ZDHHC17: variants seen among roughly 807,000 people sequenced by gnomAD.
ZDHHC17 encodes the protein palmitoyltransferase ZDHHC17.
A neutral mutation model predicts 90.3 loss-of-function variants in ZDHHC17; 40 were observed. That is an observed-to-expected ratio of 0.44 (90% CI 0.34 to 0.58). The LOEUF is 0.58. ZDHHC17 is among the 20% of genes least tolerant of loss of function. The pLI is 0.01. For synonymous variants in ZDHHC17, 235 were observed against 252.4 expected (o/e 0.93, Z 0.65); for missense variants, 614 against 780.8 (o/e 0.79, Z 2.55).
chr12:76,802,138 C>T (rs886510146), intron 2 of ZDHHC17, among the ~76,000 whole-genome samples: 2 of 152,190 alleles, frequency 1.3e-5, no homozygotes, highest in Non-Finnish European at 2.9e-5. Flanking sequence ...AGGGCAGGTC[C>T]AGTGGTAACA....
intron 7 of ZDHHC17, among the ~76,000 whole-genome samples, chr12:76,818,861 C>T (rs1387034241): frequency 6.6e-6 from 1 of 152,110 alleles, no homozygotes; most frequent in Non-Finnish European, 1.5e-5. Flanking sequence ...ATATGATCTG[C>T]TTTTTGTTTT....
chr12:76,812,839 A>G (rs775092274), intron 5 of ZDHHC17, among the ~76,000 whole-genome samples: 3 of 152,062 alleles, frequency 2.0e-5, no homozygotes, highest in Admixed American at 6.6e-5. Flanking sequence ...CTCACTACCA[A>G]TTCTTTTGGA....
chr12:76,802,350 C>G (rs758443209), intron 2 of ZDHHC17, among the ~76,000 whole-genome samples: 4 of 152,122 alleles, frequency 2.6e-5, no homozygotes, highest in Admixed American at 2.6e-4. Flanking sequence ...TGACCAGTTG[C>G]CTCTCTCTCG....
chr12:76,849,590 A>G (rs1167130235), intron 16 of ZDHHC17, 120 bp downstream of exon 16: 15 of 614,454 alleles, frequency 2.4e-5, no homozygotes, highest in Non-Finnish European at 3.9e-5. Context: ...TTTCTGTAGA[A>G]ATAGCATCAG....
At chr12:76,770,217 G>A (rs1022807607) in intron 1 of ZDHHC17, among the ~76,000 whole-genome samples, 1 of 152,110 alleles carries the variant, frequency 6.6e-6, no homozygotes, top group Non-Finnish European at 1.5e-5. Flanking sequence ...TAATATTGTG[G>A]TAAAAAGTAG....
At chr12:76,770,567 TG>T (rs1952479975) in intron 1 of ZDHHC17, among the ~76,000 whole-genome samples, 1 of 152,176 alleles carries the variant, frequency 6.6e-6, no homozygotes, top group Admixed American at 6.5e-5. Flanking sequence ...AAATGATTCG[TG>T]GTCCTCCTTT....
chr12:76,832,096 CT>C (rs1246908769), intron 10 of ZDHHC17, among the ~76,000 whole-genome samples: 1 of 152,190 alleles, frequency 6.6e-6, no homozygotes, highest in Non-Finnish European at 1.5e-5. Context: ...GATTTTGGAA[CT>C]ATGTTTTTCT....
chr12:76,833,955 TGA>T (rs1489986865), intron 10 of ZDHHC17, among the ~76,000 whole-genome samples: 2 of 152,126 alleles, frequency 1.3e-5, no homozygotes, highest in African/African-American at 4.8e-5. Context: ...CTAAATAGGG[TGA>T]GAGTTTTATC....
chr12:76,815,665 A>G (rs967021430), intron 6 of ZDHHC17, among the ~76,000 whole-genome samples, 192 bp from the exon 7 acceptor site: 5 of 151,910 alleles, frequency 3.3e-5, no homozygotes, highest in African/African-American at 4.8e-5. Flanking sequence ...ATTATTTTAT[A>G]TGGTGTCATA....
intron 3 of ZDHHC17, among the ~76,000 whole-genome samples, chr12:76,806,712 C>T (rs1014345734): frequency 2.0e-5 from 3 of 152,118 alleles, no homozygotes; most frequent in South Asian, 4.2e-4. Context: ...AGGGTTTCGC[C>T]GTGTTTCCCA....
At chr12:76,814,752 C>T (rs965158353) in intron 5 of ZDHHC17, among the ~76,000 whole-genome samples, 2 of 151,770 alleles carry the variant, frequency 1.3e-5, no homozygotes, top group African/African-American at 4.8e-5. Flanking sequence ...AATGTCAGTT[C>T]TTTTTATTTT....
chr12:76,799,052 G>A (rs753453620), intron 2 of ZDHHC17, among the ~76,000 whole-genome samples: 1 of 152,098 alleles, frequency 6.6e-6, no homozygotes, highest in African/African-American at 2.4e-5. Flanking sequence ...TGGGAGGACC[G>A]CTTGTGCCTG....
intron 14 of ZDHHC17, among the ~76,000 whole-genome samples, chr12:76,847,122 A>G (rs1953504214): frequency 6.6e-6 from 1 of 152,242 alleles, no homozygotes; most frequent in African/African-American, 2.4e-5. Context: ...TGCCTATTAG[A>G]GAATATTAGT....
intron 4 of ZDHHC17, 32 bp from the exon 5 acceptor site, chr12:76,809,681 T>C: frequency 7.3e-7 from 1 of 1,374,528 alleles, no homozygotes; most frequent in Non-Finnish European, 9.4e-7. Flanking sequence ...AATAACTTTA[T>C]ATATCTAAGT....
Position 76,797,551 on chromosome 12 carries a change from T to C in ZDHHC17, c.197+14T>C. ...CAAGGCTACACAGTAAGGTTTTTGTTGTAGTTGTTTTCTTTGGCATGTGTA... is the reference window on the plus strand; with the variant it reads ...CAAGGCTACACAGTAAGGTTTTTGTCGTAGTTGTTTTCTTTGGCATGTGTA... On this transcript the variant is annotated intron_variant, in intron 2 of 16. Coordinates refer to ENST00000426126, the MANE Select transcript of ZDHHC17 (RefSeq NM_015336.4). 6.4e-7 allele frequency: 1 copy of C among 1,558,780 alleles called. No homozygotes were observed. Among genetic ancestry groups the C allele is most frequent in the Non-Finnish European group, 8.7e-7 (1 of 1,150,682 alleles).
chr12:76,839,379 T>C (rs1953405124), intron 10 of ZDHHC17, among the ~76,000 whole-genome samples: 1 of 152,246 alleles, frequency 6.6e-6, no homozygotes, highest in Non-Finnish European at 1.5e-5. Flanking sequence ...TTTTGAACTT[T>C]ATGATACATG....
intron 4 of ZDHHC17, 135 bp from the exon 5 acceptor site, chr12:76,809,578 A>G (rs1592479947): frequency 1.1e-5 from 7 of 648,708 alleles, no homozygotes; most frequent in Non-Finnish European, 1.6e-5. Flanking sequence ...GTATTTTGAC[A>G]TGTATCTATT....
In ZDHHC17 at chr12:76,838,015, T is replaced by G. The variant is rs187658355; in HGVS notation, c.1142-3967T>G. On this transcript the variant is annotated intron_variant, in intron 10 of 16. Transcript: ENST00000426126. Reference sequence around the variant, plus strand: ...CTCATTTACTGATTGTCAGTGTTTTTATCCTCCTTGTGTTCATCTTTATAA... The same window carrying G: ...CTCATTTACTGATTGTCAGTGTTTTGATCCTCCTTGTGTTCATCTTTATAA... Among the ~76,000 whole-genome samples, 97 of 152,286 alleles carry G rather than the reference T, an allele frequency of 6.4e-4. 1 individual carries two copies. The highest frequency in any genetic ancestry group is 2.0e-3 in the African/African-American group (84 of 41,574).
chr12:76,839,363 C>T (rs908386425), intron 10 of ZDHHC17, among the ~76,000 whole-genome samples: 3 of 152,274 alleles, frequency 2.0e-5, no homozygotes, highest in East Asian at 1.9e-4. Context: ...CTTTTTTGGC[C>T]TTCAGTTTTG....
Sources: allele counts gnomAD v4.1 joint callset (sites outside exome capture counted in the v4.1 genomes callset), GRCh38; gene constraint gnomAD v4.1.1; transcripts MANE v1.5; gene names NCBI Gene and HGNC (gene_info 2026-07-23, HGNC 2026-07-21).